USP17L7: variants seen among roughly 807,000 people sequenced by gnomAD.
USP17L7 encodes the protein ubiquitin specific peptidase 17 like family member 7, also known as inactive ubiquitin carboxyl-terminal hydrolase 17-like protein 7.
USP17L7 carries 53 observed loss-of-function variants against 37.6 expected under a neutral mutation model. The ratio of observed to expected loss-of-function variants is 1.41; its 90% CI spans 1.13 to 1.77. The LOEUF (loss-of-function observed/expected upper bound fraction) is 1.77. Among genes scored for constraint, USP17L7 ranks in the 40% most tolerant of loss-of-function variants. The pLI, the probability that USP17L7 is intolerant of heterozygous loss-of-function variation, is 0.00. For synonymous variants in USP17L7, 330 were observed against 251.0 expected (o/e 1.31, Z -2.98); for missense variants, 914 against 645.0 (o/e 1.42, Z -4.52).
rs1237035699 is a variant in USP17L7 at position 12,133,441 on chromosome 8, G to A, written c.569C>T (p.Thr190Ile). The A allele has an allele frequency of 1.4e-6, 2 of 1,461,884 alleles. No homozygotes were observed. Among genetic ancestry groups the A allele is most frequent in the Non-Finnish European group, 1.9e-6 (2 of 1,072,092 alleles). The allele number at this position is 1,461,884 out of a possible 1,614,324, so 90.6% of individuals were successfully genotyped here. ...HKQLDHHSKD[T>I]TLIHQIFGAY... ...TCCAAATATTTGGTGGATGAGGGTG[G>A]TGTCCTTGGAGTGATGATCTAGCTG... The change falls in exon 1 of 1, where the codon ACC becomes ATC. Residue 190 changes from threonine (T) to isoleucine (I), a missense_variant. Physicochemically the swap from Thr to Ile is moderately conservative, Grantham distance 89 (BLOSUM62 -1). Transcript: ENST00000530447.
rs771244554 is a variant in USP17L7 at position 12,133,247 on chromosome 8, C to A, written c.763G>T (p.Gly255Cys). 9 of 1,510,836 alleles carry A rather than the reference C, an allele frequency of 6.0e-6. 1 individual carries two copies. The African/African-American group carries it at 7.0e-5, about 12-fold the overall frequency. The allele number at this position is 1,510,836 out of a possible 1,614,324, so 93.6% of individuals were successfully genotyped here. The change falls in exon 1 of 1, where the codon GGT becomes TGT. Residue 255 changes from glycine to cysteine, a missense_variant. By Grantham distance (159) the Gly-to-Cys change is radical (BLOSUM62 -3). Coordinates refer to ENST00000530447, the MANE Select transcript of USP17L7 (RefSeq NM_001256869.2). Reference sequence around the variant, plus strand: ...GCAGGCGCCTTCTGGAGACAAAGACCACAATGATAGGCATTCTCTCCATTG... The same window carrying A: ...GCAGGCGCCTTCTGGAGACAAAGACAACAATGATAGGCATTCTCTCCATTG... ...ELNGENAYHC[G>C]LCLQKAPASK...
rs73663089 is a variant in USP17L7, at chr8:12,133,382, A to C, written c.628T>G (p.Cys210Gly). The C allele has an allele frequency of 1.4e-6, 2 of 1,459,572 alleles. No individual in the cohort carries two copies. The highest frequency in any genetic ancestry group is 1.4e-5 in the African/African-American group (1 of 68,966). The allele number at this position is 1,459,572 out of a possible 1,614,324, so 90.4% of individuals were successfully genotyped here. Reference sequence around the variant, plus strand: ...TCAAAGGTGTCTGAAACGCCGTGGCAGTGGAGATACTTGATTTGAGATCTC... The same window carrying C: ...TCAAAGGTGTCTGAAACGCCGTGGCCGTGGAGATACTTGATTTGAGATCTC... ...YWRSQIKYLH[C>G]HGVSDTFDPY... The change falls in exon 1 of 1, where the codon TGC becomes GGC. Residue 210 changes from cysteine to glycine, a missense_variant. Coordinates refer to ENST00000530447, the MANE Select transcript of USP17L7 (RefSeq NM_001256869.2).
In USP17L7 at chr8:12,132,471, C is replaced by G; in HGVS notation, c.1539G>C (p.Arg513Ser). Residue 513 changes from arginine to serine, a missense_variant, in exon 1 of 1, where the codon AGG (arginine) becomes AGC (serine). Coordinates refer to ENST00000530447, the MANE Select transcript of USP17L7 (RefSeq NM_001256869.2). ...GTLASLQGST[R>S]RSKGNNKHSK... ...TGTGTTTGTTATTCCCTTTGGATCT[C>G]CTGGTGCTCCCTTGCAGAGAAGCGA... is the stretch of plus-strand genomic sequence containing the variant. 4.1e-6 allele frequency: 6 copies of G among 1,451,072 alleles called. 1 individual carries two copies. The highest frequency in any genetic ancestry group is 4.7e-6 in the Non-Finnish European group (5 of 1,057,550). 89.9% of individuals were successfully genotyped at this position (1,451,072 alleles called of 1,614,324 possible). A position where few individuals can be genotyped will look rare whatever the true frequency, so the allele number is the denominator to read the frequency against.
In USP17L7 at chr8:12,133,064, C is replaced by A. The variant is rs747902733; in HGVS notation, c.946G>T (p.Val316Phe). The A allele has an allele frequency of 1.5e-4, 230 of 1,505,102 alleles. 24 individuals carry two copies. Among genetic ancestry groups the A allele is most frequent in the Middle Eastern group, 2.2e-4 (1 of 4,530 alleles). The allele number at this position is 1,505,102 out of a possible 1,614,324, so 93.2% of individuals were successfully genotyped here. A position where few individuals can be genotyped will look rare whatever the true frequency, so the allele number is the denominator to read the frequency against. The part of the protein sequence containing the change: ...YMSQQNTGPL[V>F]YVLYAVLVHA... Reference sequence around the variant, plus strand: ...ACCAGCACAGCATAGAGGACATAGACAAGAGGTCCTGTGTTCTGCTGAGAC... The same window carrying A: ...ACCAGCACAGCATAGAGGACATAGAAAAGAGGTCCTGTGTTCTGCTGAGAC... Residue 316 changes from valine to phenylalanine, a missense_variant, in exon 1 of 1, where the codon GTC becomes TTC. Transcript: ENST00000530447.
rs1803067440 is a variant in USP17L7, at chr8:12,133,892, T to C, written c.118A>G (p.Lys40Glu). 9.4e-6 allele frequency: 14 copies of C among 1,495,754 alleles called. 1 individual carries two copies. In the African/African-American group the frequency reaches 9.8e-5, roughly 10 times the overall value. The allele number at this position is 1,495,754 out of a possible 1,614,324, so 92.7% of individuals were successfully genotyped here. Reference protein sequence around the residue: ...AEIQRTSLSEKSPLSSETRFD... With the variant: ...AEIQRTSLSEESPLSSETRFD... ...CGGGTCTCAGATGAGAGTGGTGACT[T>C]TTCAGAGAGAGAAGTCCGCTGGATT... is the stretch of plus-strand genomic sequence containing the variant. Residue 40 changes from lysine (K) to glutamate (E), a missense_variant, in exon 1 of 1, where the codon AAG becomes GAG. Lys to Glu is a moderately conservative substitution (Grantham distance 56). Transcript: ENST00000530447.
rs1354348706 is a variant in USP17L7, at chr8:12,133,911, C to G, written c.99G>C (p.Gln33His). ...SRLDAAFAEI[Q>H]RTSLSEKSPL... ...GTGACTTTTCAGAGAGAGAAGTCCG[C>G]TGGATTTCAGCAAAAGCTGCATCTA... The change falls in exon 1 of 1, where the codon CAG becomes CAC. Residue 33 changes from glutamine (Q) to histidine (H), a missense_variant. Physicochemically the swap from Gln to His is conservative, Grantham distance 24. Coordinates refer to ENST00000530447, the MANE Select transcript of USP17L7 (RefSeq NM_001256869.2). 1.4e-5 allele frequency: 20 copies of G among 1,466,820 alleles called. No homozygotes were observed. Among genetic ancestry groups the G allele is most frequent in the Non-Finnish European group, 1.8e-5 (19 of 1,071,938 alleles). The allele number at this position is 1,466,820 out of a possible 1,614,324, so 90.9% of individuals were successfully genotyped here. A position where few individuals can be genotyped will look rare whatever the true frequency, so the allele number is the denominator to read the frequency against.
chr8:12,132,948 G>T lies in USP17L7; in HGVS notation c.1062C>A (p.Val354=). ...GGACAGAGGTGATGCCAGAGGCAGTGACCTCGGCATCATCCATTTTATACC... is the reference window on the plus strand; with the variant it reads ...GGACAGAGGTGATGCCAGAGGCAGTTACCTCGGCATCATCCATTTTATACC... ...GQWYKMDDAE[V]TASGITSVLS... The change falls in exon 1 of 1, where the codon GTC becomes GTA. Residue 354 remains valine (V), a synonymous_variant. Coordinates refer to ENST00000530447, the MANE Select transcript of USP17L7 (RefSeq NM_001256869.2). 6.5e-7 allele frequency: 1 copy of T among 1,530,540 alleles called. No homozygotes were observed. The highest frequency in any genetic ancestry group is 8.9e-7 in the Non-Finnish European group (1 of 1,126,034). The allele number at this position is 1,530,540 out of a possible 1,614,324, so 94.8% of individuals were successfully genotyped here. A position where few individuals can be genotyped will look rare whatever the true frequency, so the allele number is the denominator to read the frequency against.
At position 12,132,857 on chromosome 8, in the gene USP17L7, C is replaced by T. The variant is rs1802982301; in HGVS notation, c.1153G>A (p.Val385Met). The change falls in exon 1 of 1, where the codon GTG becomes ATG. Residue 385 changes from valine (V) to methionine (M), a missense_variant. Val to Met is a conservative substitution (Grantham distance 21, BLOSUM62 1). Transcript: ENST00000530447. ...GCTCTTGGTTCCCTGCCTCTTGACA[C>T]ACTCTCACTGTGTCTTTCCCATTCA... Reference protein sequence around the residue: ...KSEWERHSESVSRGREPRALG... With the variant: ...KSEWERHSESMSRGREPRALG... The T allele has an allele frequency of 6.7e-7, 1 of 1,498,524 alleles. No individual in the cohort carries two copies. Among genetic ancestry groups the T allele is most frequent in the South Asian group, 1.2e-5 (1 of 80,030 alleles). 92.8% of individuals were successfully genotyped at this position (1,498,524 alleles called of 1,614,324 possible).
In USP17L7 at chr8:12,133,698, A is replaced by C; in HGVS notation, c.312T>G (p.Leu104=). 1 of 1,287,036 alleles carries C rather than the reference A, an allele frequency of 7.8e-7. No individual in the cohort carries two copies. The highest frequency in any genetic ancestry group is 1.3e-5 in the South Asian group (1 of 75,068). The allele number at this position is 1,287,036 out of a possible 1,614,324, so 79.7% of individuals were successfully genotyped here. The change falls in exon 1 of 1, where the codon CTT becomes CTG. Residue 104 remains leucine (L), a synonymous_variant. Transcript: ENST00000530447. ...SLQCLTYTLP[L]SNYMLSREDS... ...CCTCCCGGGACAGCATGTAGTTGGA[A>C]AGCGGCAGTGTGTATGTCAGGCACT... is the stretch of plus-strand genomic sequence containing the variant.
chr8:12,133,498 G>A lies in USP17L7; in HGVS notation c.512C>T (p.Ala171Val), dbSNP rs780149163. 2.5e-5 allele frequency: 37 copies of A among 1,474,750 alleles called. 2 individuals are homozygous for A. The African/African-American group carries it at 4.2e-4, about 17-fold the overall frequency. The allele number at this position is 1,474,750 out of a possible 1,614,324, so 91.4% of individuals were successfully genotyped here. A position where few individuals can be genotyped will look rare whatever the true frequency, so the allele number is the denominator to read the frequency against. ...AHEFLMFTVD[A>V]MKKACLPGHK... ...CCCGGGAAGGCATGCCTTTTTCATG[G>A]CATCCACAGTAAACATGAGAAATTC... Residue 171 changes from alanine to valine, a missense_variant, in exon 1 of 1, where the codon GCC becomes GTC. Ala to Val is a moderately conservative substitution (Grantham distance 64). Coordinates refer to ENST00000530447, the MANE Select transcript of USP17L7 (RefSeq NM_001256869.2).
rs1236913454 is a variant in USP17L7 at position 12,132,587 on chromosome 8, T to C, written c.1423A>G (p.Met475Val). 1 of 1,531,906 alleles carries C rather than the reference T, an allele frequency of 6.5e-7. No homozygotes were observed. Among genetic ancestry groups the C allele is most frequent in the Admixed American group, 1.7e-5 (1 of 57,324 alleles). The allele number at this position is 1,531,906 out of a possible 1,614,324, so 94.9% of individuals were successfully genotyped here. ...TGCTGTTCAGGATGATGGTTTTTCATACCACACTTGTATTTTGATTGATGA... is the reference window on the plus strand; with the variant it reads ...TGCTGTTCAGGATGATGGTTTTTCACACCACACTTGTATTTTGATTGATGA... The part of the protein sequence containing the change: ...VIHQSKYKCG[M>V]KNHHPEQQSS... Residue 475 changes from methionine to valine, a missense_variant, in exon 1 of 1, where the codon ATG (methionine) becomes GTG (valine). By Grantham distance (21) the Met-to-Val change is conservative (BLOSUM62 1). Transcript: ENST00000530447.
In USP17L7 at chr8:12,132,700, C is replaced by A. The variant is rs1488905004; in HGVS notation, c.1310G>T (p.Trp437Leu). The A allele has an allele frequency of 6.5e-7, 1 of 1,544,602 alleles. No homozygotes were observed. Among genetic ancestry groups the A allele is most frequent in the Non-Finnish European group, 8.8e-7 (1 of 1,139,578 alleles). Residue 437 changes from tryptophan to leucine, a missense_variant, in exon 1 of 1, where the codon TGG (tryptophan) becomes TTG (leucine). Coordinates refer to ENST00000530447, the MANE Select transcript of USP17L7 (RefSeq NM_001256869.2). Reference sequence around the variant, plus strand: ...TTTGTTTTGCTCTTGGGGGAATTTCCAGTGGTCTAAGGTGCTTTCCTGAGT... The same window carrying A: ...TTTGTTTTGCTCTTGGGGGAATTTCAAGTGGTCTAAGGTGCTTTCCTGAGT... The part of the protein sequence containing the change: ...RATQESTLDH[W>L]KFPQEQNKTK...
At position 12,133,827 on chromosome 8, in the gene USP17L7, C is replaced by G. The variant is rs774865648; in HGVS notation, c.183G>C (p.Gln61His). 4 of 1,530,074 alleles carry G rather than the reference C, an allele frequency of 2.6e-6. No individual in the cohort carries two copies. The South Asian group carries it at 4.9e-5, about 19-fold the overall frequency. 94.8% of individuals were successfully genotyped at this position (1,530,074 alleles called of 1,614,324 possible). ...LCDDLAPVAR[Q>H]LAPREKLPLS... is the part of the protein sequence containing the mutation. ...GAGGAAGCTTCTCCCTGGGAGCAAG[C>G]TGTCTTGCCACAGGAGCCAAATCAT... The change falls in exon 1 of 1, where the codon CAG becomes CAC. Residue 61 changes from glutamine to histidine, a missense_variant. Transcript: ENST00000530447.
In USP17L7 at chr8:12,133,689, G is replaced by C; in HGVS notation, c.321C>G (p.Tyr107Ter). ...TTTGAGAGTCCTCCCGGGACAGCAT[G>C]TAGTTGGAAAGCGGCAGTGTGTATG... is the stretch of plus-strand genomic sequence containing the variant. ...CLTYTLPLSN[Y>*]MLSREDSQTC... The change falls in exon 1 of 1, where the codon TAC (tyrosine) becomes TAG (stop). Residue 107 changes from tyrosine (Y) to a stop codon, truncating the protein, a stop_gained. Coordinates refer to ENST00000530447, the MANE Select transcript of USP17L7 (RefSeq NM_001256869.2). LOFTEE classifies it high-confidence loss of function. 1 of 1,267,194 alleles carries C rather than the reference G, an allele frequency of 7.9e-7. No individual in the cohort carries two copies. Among genetic ancestry groups the C allele is most frequent in the Non-Finnish European group, 1.1e-6 (1 of 889,402 alleles). 78.5% of individuals were successfully genotyped at this position (1,267,194 alleles called of 1,614,324 possible).
Position 12,133,558 on chromosome 8 carries a change from G to T in USP17L7, c.452C>A (p.Ala151Asp). The change falls in exon 1 of 1, where the codon GCT (alanine) becomes GAT (aspartate). Residue 151 changes from alanine (A) to aspartate (D), a missense_variant. Physicochemically the swap from Ala to Asp is moderately radical, Grantham distance 126. Coordinates refer to ENST00000530447, the MANE Select transcript of USP17L7 (RefSeq NM_001256869.2). ...CTCCTGCTCACCTCTATGGAAGCCA[G>T]CAGCCAATACCTGTGAGGGCTGGAT... ...HVIQPSQVLA[A>D]GFHRGEQEDA... 5 of 1,407,778 alleles carry T rather than the reference G, an allele frequency of 3.6e-6. No individual in the cohort carries two copies. The highest frequency in any genetic ancestry group is 4.9e-6 in the Non-Finnish European group (5 of 1,018,642). The allele number at this position is 1,407,778 out of a possible 1,614,324, so 87.2% of individuals were successfully genotyped here. A position where few individuals can be genotyped will look rare whatever the true frequency, so the allele number is the denominator to read the frequency against.
Position 12,133,004 on chromosome 8 carries a change from A to T in USP17L7, c.1006T>A (p.Phe336Ile). The change falls in exon 1 of 1, where the codon TTC (phenylalanine) becomes ATC (isoleucine). Residue 336 changes from phenylalanine to isoleucine, a missense_variant. Coordinates refer to ENST00000530447, the MANE Select transcript of USP17L7 (RefSeq NM_001256869.2). ...AGWSCHNGHY[F>I]SYVKAQEGQW... ...CCTTCTTGAGCTTTGACATAAGAGA[A>T]GTAATGTCCGTTGTGACAACTCCAC... The T allele has an allele frequency of 6.5e-7, 1 of 1,527,354 alleles. No homozygotes were observed. Among genetic ancestry groups the T allele is most frequent in the Non-Finnish European group, 8.9e-7 (1 of 1,123,774 alleles). The allele number at this position is 1,527,354 out of a possible 1,614,324, so 94.6% of individuals were successfully genotyped here.
rs1275559680 is a variant in USP17L7 at position 12,132,734 on chromosome 8, C to G, written c.1276G>C (p.Glu426Gln). ...QVPELDEHLV[E>Q]RATQESTLDH... ...AAGGTGCTTTCCTGAGTGGCTCTTTCCACCAAGTGCTCGTCCAACTCGGGT... is the reference window on the plus strand; with the variant it reads ...AAGGTGCTTTCCTGAGTGGCTCTTTGCACCAAGTGCTCGTCCAACTCGGGT... Residue 426 changes from glutamate (E) to glutamine (Q), a missense_variant, in exon 1 of 1, where the codon GAA becomes CAA. Transcript: ENST00000530447. 1 of 1,538,700 alleles carries G rather than the reference C, an allele frequency of 6.5e-7. No homozygotes were observed. The highest frequency in any genetic ancestry group is 8.8e-7 in the Non-Finnish European group (1 of 1,133,622).
At position 12,133,504 on chromosome 8, in the gene USP17L7, A is replaced by G. The variant is rs778661346; in HGVS notation, c.506T>C (p.Val169Ala). 1.1e-4 allele frequency: 163 copies of G among 1,476,290 alleles called. 13 individuals are homozygous for G. The Admixed American group carries it at 1.2e-3, about 11-fold the overall frequency. The allele number at this position is 1,476,290 out of a possible 1,614,324, so 91.4% of individuals were successfully genotyped here. Residue 169 changes from valine (V) to alanine (A), a missense_variant, in exon 1 of 1, where the codon GTG (valine) becomes GCG (alanine). Coordinates refer to ENST00000530447, the MANE Select transcript of USP17L7 (RefSeq NM_001256869.2). ...EDAHEFLMFT[V>A]DAMKKACLPG... The stretch of plus-strand genomic sequence containing the variant: ...AAGGCATGCCTTTTTCATGGCATCC[A>G]CAGTAAACATGAGAAATTCATGGGC...
rs762416610 is a variant in USP17L7, at chr8:12,133,695, G to T, written c.315C>A (p.Ser105=). ...LQCLTYTLPL[S]NYMLSREDSQ... is the part of the protein sequence containing the mutation. ...AGTCCTCCCGGGACAGCATGTAGTT[G>T]GAAAGCGGCAGTGTGTATGTCAGGC... The change falls in exon 1 of 1, where the codon TCC becomes TCA. Residue 105 remains serine (S), a synonymous_variant. Transcript: ENST00000530447. 5.9e-5 allele frequency: 75 copies of T among 1,281,158 alleles called. No individual in the cohort carries two copies. The highest frequency in any genetic ancestry group is 5.3e-4 in the Admixed American group (30 of 56,882). 79.4% of individuals were successfully genotyped at this position (1,281,158 alleles called of 1,614,324 possible).
Sources: gnomAD v4.1 joint callset for allele counts on GRCh38, gnomAD v4.1.1 for gene constraint, MANE v1.5 for transcripts, NCBI Gene and HGNC (gene_info 2026-07-23, HGNC 2026-07-21) for gene names.